Variants in SRP72 observed in about 807,000 individuals in gnomAD.
The protein encoded by SRP72 is signal recognition particle 72.
SRP72 carries 49 observed loss-of-function variants against 96.3 expected under a neutral mutation model. The observed-to-expected ratio is 0.51, with a 90% CI of 0.40 to 0.65. SRP72 has a LOEUF of 0.65. SRP72 is among the 30% of genes least tolerant of loss of function. The probability of loss-of-function intolerance (pLI) is 0.00; values close to 1 mark genes in which losing one functional copy is unlikely to be tolerated. For synonymous variants in SRP72, 267 were observed against 275.2 expected (o/e 0.97, Z 0.30); for missense variants, 736 against 793.3 (o/e 0.93, Z 0.87).
At chr4:56,489,555 T>G (rs1224997262) in intron 13 of SRP72, 72 bp downstream of exon 13, 10 of 887,340 alleles carry the variant, frequency 1.1e-5, no homozygotes, top group Non-Finnish European at 1.7e-5. Flanking sequence ...GTGAAAAAAT[T>G]CAGGCAAACA....
At chr4:56,486,749 T>G (rs1326180857) in intron 11 of SRP72, among the ~76,000 whole-genome samples, 1 of 152,226 alleles carries the variant, frequency 6.6e-6, no homozygotes, top group African/African-American at 2.4e-5. Context: ...GTACGACTAC[T>G]TTGCATCATA....
chr4:56,503,386 C>T lies in SRP72; in HGVS notation c.*1525C>T, dbSNP rs1270422431. On this transcript the variant is annotated 3_prime_UTR_variant, in exon 19 of 19. Coordinates refer to ENST00000642900, the MANE Select transcript of SRP72 (RefSeq NM_006947.4). Reference sequence around the variant, plus strand: ...TCATTGAAAATTTTGACCCAAGGCACAGCAGTGAAATTTATAGTTCTCAAT... The same window carrying T: ...TCATTGAAAATTTTGACCCAAGGCATAGCAGTGAAATTTATAGTTCTCAAT... 6.6e-6 allele frequency: 1 copy of T among 152,162 alleles called. No homozygotes were observed. Among genetic ancestry groups the T allele is most frequent in the East Asian group, 1.9e-4 (1 of 5,194 alleles). 9.4% of individuals were successfully genotyped at this position (152,162 alleles called of 1,614,324 possible). A position where few individuals can be genotyped will look rare whatever the true frequency, so the allele number is the denominator to read the frequency against.
intron 2 of SRP72, among the ~76,000 whole-genome samples, chr4:56,471,024 ACTC>A (rs1186451859): frequency 6.6e-6 from 1 of 151,172 alleles, no homozygotes; most frequent in Non-Finnish European, 1.5e-5. Context: ...CTGGTCTTGA[ACTC>A]CTCACCTCAA....
intron 10 of SRP72, 72 bp from the exon 11 acceptor site, chr4:56,486,253 A>C (rs1578188774): frequency 9.4e-7 from 1 of 1,059,368 alleles, no homozygotes; most frequent in East Asian, 2.7e-5. Flanking sequence ...TATGTAGCTA[A>C]GTAATTGTAA....
In SRP72 at chr4:56,502,494, T is replaced by C. The variant is rs867120149; in HGVS notation, c.*633T>C. Reference sequence around the variant, plus strand: ...ATATATATATATATGTATATATATATACATATATATATATATATAAACATG... The same window carrying C: ...ATATATATATATATGTATATATATACACATATATATATATATATAAACATG... On this transcript the variant is annotated 3_prime_UTR_variant, in exon 19 of 19. Coordinates refer to ENST00000642900, the MANE Select transcript of SRP72 (RefSeq NM_006947.4). The C allele has an allele frequency of 6.5e-5, 6 of 92,342 alleles. No homozygotes were observed. Among genetic ancestry groups the C allele is most frequent in the South Asian group, 6.6e-4 (2 of 3,024 alleles). 5.7% of individuals were successfully genotyped at this position (92,342 alleles called of 1,614,324 possible).
chr4:56,477,672 A>G (rs1720302081), intron 6 of SRP72, among the ~76,000 whole-genome samples: 1 of 152,182 alleles, frequency 6.6e-6, no homozygotes, highest in Admixed American at 6.5e-5. Context: ...GGAAACAAAC[A>G]TATCTGACTC....
chr4:56,474,668 C>T (rs529745989), intron 5 of SRP72, among the ~76,000 whole-genome samples: 9 of 152,070 alleles, frequency 5.9e-5, no homozygotes, highest in South Asian at 4.2e-4. Context: ...CTCAGCCTCC[C>T]GAGTAGCTGG....
chr4:56,484,595 A>T, intron 9 of SRP72, 141 bp from the exon 10 acceptor site: 1 of 1,098,302 alleles, frequency 9.1e-7, no homozygotes, highest in Non-Finnish European at 1.3e-6. Context: ...TAGATACTGT[A>T]AACTGATTCT....
At position 56,486,307 on chromosome 4, in the gene SRP72, C is replaced by T. The variant is rs568197952; in HGVS notation, c.1087-18C>T. The T allele has an allele frequency of 1.3e-6, 2 of 1,580,766 alleles. No homozygotes were observed. The highest frequency in any genetic ancestry group is 1.4e-5 in the African/African-American group (1 of 73,868). On this transcript the variant is annotated intron_variant, in intron 10 of 18. Transcript: ENST00000642900. The stretch of plus-strand genomic sequence containing the variant: ...TAAATTAAATGTGATTTTTTTCCCC[C>T]AAACTAAAAAAATTTAGGAATTTTC...
chr4:56,502,815 T>C lies in SRP72; in HGVS notation c.*954T>C, dbSNP rs1226456709. 6.6e-6 allele frequency: 1 copy of C among 152,140 alleles called. No individual in the cohort carries two copies. Among genetic ancestry groups the C allele is most frequent in the Non-Finnish European group, 1.5e-5 (1 of 68,018 alleles). The allele number at this position is 152,140 out of a possible 1,614,324, so 9.4% of individuals were successfully genotyped here. ...GGCCCATTGATAGATACTCAAATGG[T>C]GTCTCCTTCTGGTTATGGATTTTGA... On this transcript the variant is annotated 3_prime_UTR_variant, in exon 19 of 19. Transcript: ENST00000642900.
chr4:56,479,558 G>C (rs1720397570), intron 8 of SRP72, among the ~76,000 whole-genome samples: 2 of 147,164 alleles, frequency 1.4e-5, no homozygotes, highest in Non-Finnish European at 3.0e-5. Flanking sequence ...CCAGGCTGGA[G>C]GGCAGTGGTG....
At chr4:56,481,803 G>A (rs1302162943) in intron 8 of SRP72, among the ~76,000 whole-genome samples, 3 of 133,060 alleles carry the variant, frequency 2.3e-5, no homozygotes, top group Non-Finnish European at 4.6e-5. Context: ...ATGGAGTCTC[G>A]CTCTCTTGCC....
intron 5 of SRP72, chr4:56,475,993 A>G (rs1720204671): frequency 1.3e-5 from 2 of 152,316 alleles, no homozygotes; most frequent in Non-Finnish European, 1.5e-5. Context: ...CAATAACATT[A>G]AAAAAGATAC....
chr4:56,483,066 A>G (rs1018704633), intron 8 of SRP72, 73 bp from the exon 9 acceptor site: 3 of 1,429,524 alleles, frequency 2.1e-6, no homozygotes, highest in African/African-American at 2.9e-5. Context: ...CTGTATCTAT[A>G]TAAAGTTAAT....
rs1720339170 is a variant in SRP72, at chr4:56,478,501, A to G, written c.765A>G (p.Leu255=). The G allele has an allele frequency of 1.2e-6, 2 of 1,613,990 alleles. No homozygotes were observed. Among genetic ancestry groups the G allele is most frequent in the Non-Finnish European group, 1.7e-6 (2 of 1,179,978 alleles). ...ALQLYNQIIK[L]KPTDVGLLAV... is the part of the protein sequence containing the mutation. ...AACTTTACAATCAAATAATAAAACT[A>G]AAGTGAGTTATTAAAAGGAAGTGTC... Residue 255 remains leucine (L), a splice_region_variant and synonymous_variant, in exon 7 of 19, where the codon CTA becomes CTG. Transcript: ENST00000642900.
At chr4:56,473,626 A>G (rs1195960755) in intron 3 of SRP72, among the ~76,000 whole-genome samples, 1 of 146,244 alleles carries the variant, frequency 6.8e-6, no homozygotes, top group African/African-American at 2.6e-5. Context: ...TTAGCCAGGC[A>G]TGGTGGCGCA....
Position 56,502,816 on chromosome 4 carries a change from G to GTCT in SRP72, c.*956_*958dup, listed in dbSNP as rs771358275. The GTCT allele has an allele frequency of 3.3e-5, 5 of 152,040 alleles. No homozygotes were observed. The highest frequency in any genetic ancestry group is 1.3e-4 in the Admixed American group (2 of 15,254). The allele number at this position is 152,040 out of a possible 1,614,324, so 9.4% of individuals were successfully genotyped here. ...GCCCATTGATAGATACTCAAATGGTGTCTCCTTCTGGTTATGGATTTTGAC... is the reference window on the plus strand; with the variant it reads ...GCCCATTGATAGATACTCAAATGGTGTCTTCTCCTTCTGGTTATGGATTTTGAC... On this transcript the variant is annotated 3_prime_UTR_variant, in exon 19 of 19. Coordinates refer to ENST00000642900, the MANE Select transcript of SRP72 (RefSeq NM_006947.4).
At chr4:56,470,191 A>G (rs1024228896) in intron 2 of SRP72, among the ~76,000 whole-genome samples, 1 of 142,950 alleles carries the variant, frequency 7.0e-6, no homozygotes, top group African/African-American at 2.6e-5. Flanking sequence ...AGAACAATAT[A>G]TATTATACTT....
intron 11 of SRP72, among the ~76,000 whole-genome samples, chr4:56,486,676 CTACT>C (rs1720721527): frequency 6.6e-6 from 1 of 152,184 alleles, no homozygotes; most frequent in Admixed American, 6.5e-5. Flanking sequence ...ACCATACATA[CTACT>C]CAAATTGCCT....
Sources: allele counts gnomAD v4.1 joint callset (sites outside exome capture counted in the v4.1 genomes callset), GRCh38; gene constraint gnomAD v4.1.1; transcripts MANE v1.5; gene names NCBI Gene and HGNC (gene_info 2026-07-23, HGNC 2026-07-21).